The following USP35 variants were observed in gnomAD, a reference collection of about 807,000 sequenced individuals.
USP35 encodes ubiquitin carboxyl-terminal hydrolase 35.
Under a neutral mutation model 83.8 loss-of-function variants are expected in USP35, and 69 were observed. The ratio of observed to expected loss-of-function variants is 0.82; its 90% CI spans 0.68 to 1.01. The LOEUF (loss-of-function observed/expected upper bound fraction) is 1.01, where lower values mean the gene tolerates loss of function less well. USP35 is among the 50% of genes least tolerant of loss of function. The pLI, the probability that USP35 is intolerant of heterozygous loss-of-function variation, is 0.00. For synonymous variants in USP35, 714 were observed against 589.5 expected (o/e 1.21, Z -3.06); for missense variants, 1,503 against 1,362.5 (o/e 1.10, Z -1.62).
Position 78,213,681 on chromosome 11 carries a change from C to A in USP35, c.2925C>A (p.Tyr975Ter), listed in dbSNP as rs762408944. ...QEKEARSRAA[Y>*]ISALPTSPHW... ...AGGAGGCCCGGAGCAGGGCGGCCTA[C>A]ATCTCTGCACTCCCCACATCTCCGC... Residue 975 changes from tyrosine to a stop codon, truncating the protein, a stop_gained, in exon 11 of 11, where the codon TAC becomes TAA. Coordinates refer to ENST00000529308, the MANE Select transcript of USP35 (RefSeq NM_020798.4). LOFTEE classifies it high-confidence loss of function. The A allele has an allele frequency of 2.3e-5, 35 of 1,512,262 alleles. No individual in the cohort carries two copies. The highest frequency in any genetic ancestry group is 1.4e-5 in the Non-Finnish European group (16 of 1,138,512). 93.7% of individuals were successfully genotyped at this position (1,512,262 alleles called of 1,614,324 possible). A position where few individuals can be genotyped will look rare whatever the true frequency, so the allele number is the denominator to read the frequency against.
intron 3 of USP35, chr11:78,198,534 C>T (rs552003406): frequency 4.3e-5 from 37 of 852,144 alleles, no homozygotes; most frequent in Non-Finnish European, 4.9e-5. Flanking sequence ...TCTAGACGCA[C>T]CTGCCTGTCC....
chr11:78,210,313 C>T lies in USP35; in HGVS notation c.2458C>T (p.Arg820Cys), dbSNP rs374333447. ...RFSFDLRTMR[R>C]RKILDDVSIP... Reference sequence around the variant, plus strand: ...CTCTTTCGACCTGCGCACCATGCGGCGCCGCAAGATCCTGGATGACGTCTC... The same window carrying T: ...CTCTTTCGACCTGCGCACCATGCGGTGCCGCAAGATCCTGGATGACGTCTC... Residue 820 changes from arginine (R) to cysteine (C), a missense_variant, in exon 10 of 11, where the codon CGC becomes TGC. By Grantham distance (180) the Arg-to-Cys change is radical. Transcript: ENST00000529308. 3.1e-5 allele frequency: 50 copies of T among 1,613,438 alleles called. No individual in the cohort carries two copies. The highest frequency in any genetic ancestry group is 6.7e-5 in the African/African-American group (5 of 74,952).
At position 78,205,893 on chromosome 11, in the gene USP35, G is replaced by A. The variant is rs1380371760; in HGVS notation, c.1249G>A (p.Ala417Thr). 1 of 1,614,262 alleles carries A rather than the reference G, an allele frequency of 6.2e-7. No individual in the cohort carries two copies. The highest frequency in any genetic ancestry group is 1.7e-5 in the Admixed American group (1 of 60,038). Residue 417 changes from alanine (A) to threonine (T), a missense_variant, in exon 7 of 11, where the codon GCC becomes ACC. Physicochemically the swap from Ala to Thr is moderately conservative, Grantham distance 58. Coordinates refer to ENST00000529308, the MANE Select transcript of USP35 (RefSeq NM_020798.4). Reference protein sequence around the residue: ...DRIKQLLGQDAWTSQKSELAG... With the variant: ...DRIKQLLGQDTWTSQKSELAG... ...CATCAAGCAGCTGCTGGGGCAGGAT[G>A]CCTGGACTTCGCAGAAGAGCGAGCT...
rs1385114411 is a variant in USP35 at position 78,205,983 on chromosome 11, G to A, written c.1339G>A (p.Gly447Ser). ...DTGKIGLINLGNTCYVNSILQ... is the reference protein window; with the variant it reads ...DTGKIGLINLSNTCYVNSILQ... ...GGGCAAGATTGGTCTCATCAACCTG[G>A]GCAACACATGCTATGTCAACAGCAT... The change falls in exon 7 of 11, where the codon GGC becomes AGC. Residue 447 changes from glycine (G) to serine (S), a missense_variant. Coordinates refer to ENST00000529308, the MANE Select transcript of USP35 (RefSeq NM_020798.4). 1 of 1,614,116 alleles carries A rather than the reference G, an allele frequency of 6.2e-7. No individual in the cohort carries two copies. The highest frequency in any genetic ancestry group is 8.5e-7 in the Non-Finnish European group (1 of 1,180,044).
At chr11:78,220,303 A>C in the USP35 span, 1 of 1,611,364 alleles carries the variant, frequency 6.2e-7, no homozygotes, top group East Asian at 2.2e-5. Flanking sequence ...TGCCCCCCCA[A>C]CTCTACTCCA....
chr11:78,226,360 T>G, the USP35 span: 1 of 887,808 alleles, frequency 1.1e-6, no homozygotes, highest in Non-Finnish European at 1.9e-6. Context: ...ACCTAGGTGG[T>G]TCGTAAGTTC....
chr11:78,199,840 C>A (rs1863284848), intron 4 of USP35, 116 bp downstream of exon 4: 3 of 1,526,284 alleles, frequency 2.0e-6, no homozygotes, highest in Non-Finnish European at 2.7e-6. Flanking sequence ...CGCTGTGTGA[C>A]CTGGGCGAAT....
In USP35 at chr11:78,200,340, C is replaced by G. The variant is rs1863310527; in HGVS notation, c.1038+106C>G. The G allele has an allele frequency of 5.2e-6, 7 of 1,356,696 alleles. No homozygotes were observed. The Admixed American group carries it at 1.3e-4, about 26-fold the overall frequency. 84.0% of individuals were successfully genotyped at this position (1,356,696 alleles called of 1,614,324 possible). A position where few individuals can be genotyped will look rare whatever the true frequency, so the allele number is the denominator to read the frequency against. ...GGGCCCTGCCTGCTGACCCTGGGCT[C>G]TTGGGGCAGGTCACTTGGCTGAGGC... On this transcript the variant is annotated intron_variant, in intron 5 of 10. Transcript: ENST00000529308.
chr11:78,213,260 G>A (rs1392681620), intron 10 of USP35, among the ~76,000 whole-genome samples: 1 of 152,182 alleles, frequency 6.6e-6, no homozygotes, highest in Non-Finnish European at 1.5e-5. Flanking sequence ...CCATGAGGCT[G>A]ACGTCCTGGT....
intron 7 of USP35, among the ~76,000 whole-genome samples, chr11:78,206,667 A>T (rs772320830): frequency 6.6e-6 from 1 of 152,222 alleles, no homozygotes; most frequent in African/African-American, 2.4e-5. Context: ...CTGCTGCAGA[A>T]TATTACTTTT....
Position 78,209,905 on chromosome 11 carries a change from AAGG to A in USP35, c.2056_2058del (p.Glu686del), listed in dbSNP as rs751404034. The A allele has an allele frequency of 6.2e-7, 1 of 1,601,612 alleles. No individual in the cohort carries two copies. Among genetic ancestry groups the A allele is most frequent in the African/African-American group, 1.3e-5 (1 of 74,566 alleles). On this transcript the variant is annotated inframe_deletion, in exon 10 of 11. Coordinates refer to ENST00000529308, the MANE Select transcript of USP35 (RefSeq NM_020798.4). Reference sequence around the variant, plus strand: ...AAGGATAGAGAGGGAGGAAGAAGGGAAGGAGGAGAGAACGGAGAAGGAAGAAGT... The same window carrying A: ...AAGGATAGAGAGGGAGGAAGAAGGGAAGGAGAGAACGGAGAAGGAAGAAGT...
downstream of USP35, chr11:78,216,054 C>T (rs1377131861): frequency 6.6e-6 from 1 of 152,634 alleles, no homozygotes; most frequent in African/African-American, 2.4e-5. Context: ...CTGCCCACCC[C>T]AATCCCCCAG....
downstream of USP35, among the ~76,000 whole-genome samples, chr11:78,219,750 CA>C (rs1864326841): frequency 6.6e-6 from 1 of 152,326 alleles, no homozygotes; most frequent in Admixed American, 6.5e-5. Context: ...GTCGCTCATC[CA>C]GGGGAAGGAA....
Position 78,196,848 on chromosome 11 carries a change from G to T in USP35, c.603G>T (p.Gln201His). ...AGCAGGTGAGCGGGCTCCTGGCGCA[G>T]CTGTGGCGCGCACAGCCCGCCGCCA... ...QAQQVSGLLA[Q>H]LWRAQPAAIL... Residue 201 changes from glutamine (Q) to histidine (H), a missense_variant, in exon 2 of 11, where the codon CAG becomes CAT. Physicochemically the swap from Gln to His is conservative, Grantham distance 24. Transcript: ENST00000529308. The surrounding 1 kb of genome is among the most constrained non-coding windows in gnomAD (Gnocchi z 4.8). 2 of 1,517,958 alleles carry T rather than the reference G, an allele frequency of 1.3e-6. No homozygotes were observed. The highest frequency in any genetic ancestry group is 1.8e-6 in the Non-Finnish European group (2 of 1,137,824). The allele number at this position is 1,517,958 out of a possible 1,614,324, so 94.0% of individuals were successfully genotyped here. A position where few individuals can be genotyped will look rare whatever the true frequency, so the allele number is the denominator to read the frequency against.
rs867510936 is a variant in USP35 at position 78,197,246 on chromosome 11, G to A, written c.673+328G>A. Among the ~76,000 whole-genome samples, 5 of 147,280 alleles carry A rather than the reference G, an allele frequency of 3.4e-5. 1 individual carries two copies. In the East Asian group the frequency reaches 1.1e-3, roughly 31 times the overall value. Reference sequence around the variant, plus strand: ...ATTTGGGGCGGGGGAGGTGGGGGGGGGGGTCATTATGGTCTTCGGGTCAGG... The same window carrying A: ...ATTTGGGGCGGGGGAGGTGGGGGGGAGGGTCATTATGGTCTTCGGGTCAGG... On this transcript the variant is annotated intron_variant, in intron 2 of 10. Coordinates refer to ENST00000529308, the MANE Select transcript of USP35 (RefSeq NM_020798.4).
At chr11:78,208,137 G>C (rs1213435819) in intron 8 of USP35, among the ~76,000 whole-genome samples, 1 of 152,202 alleles carries the variant, frequency 6.6e-6, no homozygotes, top group East Asian at 1.9e-4. Flanking sequence ...TGGCTGCTGG[G>C]GAAAGCAAAC....
intron 3 of USP35, chr11:78,199,350 CTT>C (rs1863265291): frequency 5.8e-6 from 3 of 515,412 alleles, no homozygotes; most frequent in Non-Finnish European, 3.5e-6. Flanking sequence ...AGGGGCGAGA[CTT>C]GGGGTGCTGA....
chr11:78,231,145 C>G, the USP35 span, among the ~76,000 whole-genome samples: 1 of 152,144 alleles, frequency 6.6e-6, no homozygotes, highest in East Asian at 1.9e-4. Context: ...AGAGTTGGAG[C>G]AGGAAGATAC....
At chr11:78,216,430 A>T (rs1864150754), downstream of USP35, 1 of 151,986 alleles carries the variant, frequency 6.6e-6, no homozygotes. Context: ...TTGTTGGAGG[A>T]GGTAGTGGGT....
Sources: gnomAD v4.1 joint callset for allele counts (sites outside exome capture counted in the v4.1 genomes callset) on GRCh38, gnomAD v4.1.1 for gene constraint, Gnocchi (gnomAD v3.1) non-coding constraint, MANE v1.5 for transcripts, NCBI Gene and HGNC (gene_info 2026-07-23, HGNC 2026-07-21) for gene names.